DPP8: variants seen among roughly 807,000 people sequenced by gnomAD.
DPP8 encodes DPP VIII.
A neutral mutation model predicts 107.5 loss-of-function variants in DPP8; 31 were observed. That is an observed-to-expected ratio of 0.29 (90% CI 0.22 to 0.39). The LOEUF (loss-of-function observed/expected upper bound fraction) is 0.39. DPP8 is among the 10% of genes least tolerant of loss of function. DPP8 has a pLI of 1.00. For synonymous variants in DPP8, 381 were observed against 356.6 expected (o/e 1.07, Z -0.77); for missense variants, 842 against 1,076.1 (o/e 0.78, Z 3.04).
chr15:65,505,949 CAA>C (rs369806063), intron 3 of DPP8, among the ~76,000 whole-genome samples: 4 of 128,702 alleles, frequency 3.1e-5, no homozygotes, highest in Non-Finnish European at 1.6e-5. Flanking sequence ...GACTGTGTCT[CAA>C]AAAAAAAAAA....
intron 12 of DPP8, among the ~76,000 whole-genome samples, chr15:65,470,195 C>CAAAAAAAAAAAAAAAAAAAA (rs11310623): frequency 5.1e-5 from 3 of 58,488 alleles, no homozygotes; most frequent in South Asian, 8.2e-4. Context: ...ACTCTTGTCT[C>CAAAAAAAAAAAAAAAAAAAA]AAAAAAAAAA....
At chr15:65,467,050 C>A (rs1045695738) in intron 13 of DPP8, 21 bp downstream of exon 13, 5 of 1,612,906 alleles carry the variant, frequency 3.1e-6, no homozygotes, top group Non-Finnish European at 4.2e-6. Flanking sequence ...ACACAAAACC[C>A]TTTTTAAACA....
intron 19 of DPP8, 133 bp from the exon 20 acceptor site, chr15:65,447,139 A>T (rs1865460862): frequency 3.5e-6 from 2 of 576,004 alleles, no homozygotes; most frequent in Non-Finnish European, 5.7e-6. Flanking sequence ...TTGTAGAATA[A>T]ATCCTATCTA....
chr15:65,477,765 C>G (rs2066531978), intron 11 of DPP8, among the ~76,000 whole-genome samples: 1 of 152,018 alleles, frequency 6.6e-6, no homozygotes, highest in Non-Finnish European at 1.5e-5. Flanking sequence ...ATCTCATGAC[C>G]TTATGATCCG....
chr15:65,474,921 G>A (rs1207665200), intron 11 of DPP8, among the ~76,000 whole-genome samples: 1 of 152,192 alleles, frequency 6.6e-6, no homozygotes. Flanking sequence ...AGATTTTTTG[G>A]CAAAGCCAGA....
rs1400602864 is a variant in DPP8 at position 65,480,253 on chromosome 15, A to G, written c.1265T>C (p.Ile422Thr). 2 of 1,613,616 alleles carry G rather than the reference A, an allele frequency of 1.2e-6. No individual in the cohort carries two copies. Among genetic ancestry groups the G allele is most frequent in the Non-Finnish European group, 1.7e-6 (2 of 1,179,906 alleles). The change falls in exon 10 of 20, where the codon ATC (isoleucine) becomes ACC (threonine). Residue 422 changes from isoleucine to threonine, a missense_variant. Ile to Thr is a moderately conservative substitution (Grantham distance 89). Around this residue, in one of 2 missense-constraint regions of DPP8, gnomAD observed 663 missense variants for 758.0 expected, o/e 0.87. Transcript: ENST00000300141. ...SVPDSVTPLI[I>T]YEETTDIWIN... is the part of the protein sequence containing the mutation. ...CCAGATGTCTGTTGTTTCTTCATAG[A>G]TAATTAGTGGCGTCACAGAATCAGG...
intron 10 of DPP8, among the ~76,000 whole-genome samples, chr15:65,479,846 G>A (rs1416019935): frequency 2.4e-5 from 2 of 81,890 alleles, no homozygotes; most frequent in Non-Finnish European, 4.0e-5. Context: ...GCGAGACTCC[G>A]TCTCAAAAAA....
chr15:65,449,232 AAT>A (rs955091890), intron 19 of DPP8, among the ~76,000 whole-genome samples: 20 of 144,432 alleles, frequency 1.4e-4, no homozygotes, highest in African/African-American at 3.0e-4. Context: ...AATAAAAATA[AAT>A]ATATATATAT....
At chr15:65,467,838 G>A (rs1007968692) in intron 12 of DPP8, among the ~76,000 whole-genome samples, 1 of 152,158 alleles carries the variant, frequency 6.6e-6, no homozygotes, top group Non-Finnish European at 1.5e-5. Flanking sequence ...AAAATACTCT[G>A]CTATATTGCA....
chr15:65,511,662 T>C lies in DPP8; in HGVS notation c.259+633A>G, dbSNP rs934082763. ...CTCAAAAAAAAAAAAAAAAAAACTA[T>C]AATTATGACATGAACTCATGCAGAC... On this transcript the variant is annotated intron_variant, in intron 2 of 19. Coordinates refer to ENST00000300141, the MANE Select transcript of DPP8 (RefSeq NM_130434.5). Among the ~76,000 whole-genome samples, 927 of 132,876 alleles carry C rather than the reference T, an allele frequency of 7.0e-3. 11 individuals are homozygous for C. Among genetic ancestry groups the C allele is most frequent in the African/African-American group, 0.025 (889 of 35,992 alleles). 87.2% of individuals were successfully genotyped at this position (132,876 alleles called of 152,430 possible). A position where few individuals can be genotyped will look rare whatever the true frequency, so the allele number is the denominator to read the frequency against.
intron 3 of DPP8, among the ~76,000 whole-genome samples, chr15:65,506,583 C>T (rs1169786642): frequency 6.6e-6 from 1 of 150,622 alleles, no homozygotes; most frequent in African/African-American, 2.4e-5. Flanking sequence ...ATAGCAAGAC[C>T]CCATCTTATT....
At chr15:65,488,744 C>T (rs560360356) in intron 6 of DPP8, among the ~76,000 whole-genome samples, 5 of 151,760 alleles carry the variant, frequency 3.3e-5, no homozygotes, top group Non-Finnish European at 7.4e-5. Context: ...TATTAGGCCA[C>T]AATATAAGTA....
intron 15 of DPP8, chr15:65,459,431 G>C (rs187874082): frequency 5.3e-5 from 8 of 152,148 alleles, no homozygotes; most frequent in Admixed American, 3.9e-4. Context: ...GCCTCCCAAA[G>C]TGCTGGGATT....
intron 16 of DPP8, chr15:65,455,793 G>C: frequency 7.8e-7 from 1 of 1,289,424 alleles, no homozygotes; most frequent in Non-Finnish European, 1.0e-6. Context: ...ATTTCCCAAA[G>C]CAGCAGAAAG....
intron 4 of DPP8, 40 bp downstream of exon 4, chr15:65,500,566 G>C (rs1156587351): frequency 6.4e-7 from 1 of 1,565,064 alleles, no homozygotes; most frequent in South Asian, 1.1e-5. Flanking sequence ...ATAACCTTTT[G>C]GACCCAAACC....
intron 15 of DPP8, among the ~76,000 whole-genome samples, chr15:65,463,285 TCC>T (rs534618102): frequency 1.4e-4 from 21 of 152,260 alleles, no homozygotes; most frequent in African/African-American, 4.8e-4. Context: ...ACGCCTGTAA[TCC>T]CAACACTTTG....
In DPP8 at chr15:65,500,616, T is replaced by C. The variant is rs1285963893; in HGVS notation, c.536A>G (p.Gln179Arg). 1.2e-6 allele frequency: 2 copies of C among 1,613,912 alleles called. No homozygotes were observed. Among genetic ancestry groups the C allele is most frequent in the African/African-American group, 1.3e-5 (1 of 75,048 alleles). The part of the protein sequence containing the change: ...GIYHVKDGGP[Q>R]GFTQQPLRPN... Reference sequence around the variant, plus strand: ...GCAACTCCAACTTACCGTAAATCCTTGTGGCCCTCCATCTTTTACGTGATA... The same window carrying C: ...GCAACTCCAACTTACCGTAAATCCTCGTGGCCCTCCATCTTTTACGTGATA... Residue 179 changes from glutamine (Q) to arginine (R), a missense_variant, in exon 4 of 20, where the codon CAA (glutamine) becomes CGA (arginine). Gln to Arg is a conservative substitution (Grantham distance 43, BLOSUM62 1). This residue lies in a region of DPP8 where 663 missense variants were observed against 758.0 expected (regional missense o/e 0.87). Transcript: ENST00000300141.
intron 12 of DPP8, among the ~76,000 whole-genome samples, chr15:65,471,219 CA>C (rs1410855172): frequency 6.6e-6 from 1 of 151,388 alleles, no homozygotes; most frequent in Non-Finnish European, 1.5e-5. Context: ...CAAGGTACTT[CA>C]ACAGAAAAAA....
At chr15:65,447,096 A>G in intron 19 of DPP8, 90 bp from the exon 20 acceptor site, 1 of 1,010,376 alleles carries the variant, frequency 9.9e-7, no homozygotes, top group Non-Finnish European at 1.4e-6. Context: ...TTTTAACAGG[A>G]TTAATAATAC....
Sources: allele counts gnomAD v4.1 joint callset (sites outside exome capture counted in the v4.1 genomes callset), GRCh38; gene constraint gnomAD v4.1.1; regional missense constraint gnomAD v4.1.1; transcripts MANE v1.5; gene names NCBI Gene and HGNC (gene_info 2026-07-23, HGNC 2026-07-21).